The following ITGA7 variants were observed in gnomAD, a reference collection of about 807,000 sequenced individuals.
ITGA7 encodes integrin alpha-7.
ITGA7 carries 84 observed loss-of-function variants against 131.6 expected under a neutral mutation model. The observed-to-expected ratio is 0.64, with a 90% CI of 0.54 to 0.77. ITGA7 has a LOEUF of 0.77. Among genes scored for constraint, ITGA7 ranks in the 30% least tolerant of loss-of-function variants. The probability of loss-of-function intolerance (pLI) is 0.00; values close to 1 mark genes in which losing one functional copy is unlikely to be tolerated. For synonymous variants in ITGA7, 548 were observed against 600.7 expected, an observed-to-expected ratio of 0.91 and a Z score of 1.28; for missense variants, 1,399 against 1,482.9, an observed-to-expected ratio of 0.94 and a Z score of 0.93.
intron 3 of ITGA7, 99 bp from the exon 4 acceptor site, chr12:55,701,253 G>T: frequency 1.3e-6 from 2 of 1,591,052 alleles, no homozygotes; most frequent in Non-Finnish European, 8.6e-7. Context: ...ACTGATACAT[G>T]TGTGCTCACA....
At chr12:55,713,971 C>T (rs1876313518), upstream of ITGA7, among the ~76,000 whole-genome samples, 1 of 152,180 alleles carries the variant, frequency 6.6e-6, no homozygotes, top group Admixed American at 6.5e-5. Flanking sequence ...TCAACTATGC[C>T]AATGAATCAC....
intron 10 of ITGA7, 86 bp from the exon 11 acceptor site, chr12:55,697,363 A>G (rs1439350950): frequency 1.9e-6 from 3 of 1,580,540 alleles, no homozygotes; most frequent in Middle Eastern, 3.4e-4. Context: ...ATCCTGTCAC[A>G]GCCCCAGCCC....
At chr12:55,686,902 A>C (rs887297308) in intron 24 of ITGA7, among the ~76,000 whole-genome samples, 5 of 152,120 alleles carry the variant, frequency 3.3e-5, no homozygotes, top group Non-Finnish European at 7.4e-5. Context: ...ATTCTAGTTA[A>C]GTCAGATCAC....
At chr12:55,701,459 G>A (rs1334570682) in intron 3 of ITGA7, 2 of 1,544,748 alleles carry the variant, frequency 1.3e-6, no homozygotes, top group Non-Finnish European at 1.8e-6. Flanking sequence ...CACATAGGAT[G>A]TGTGTCTCCC....
At chr12:55,686,841 G>A (rs772628313) in intron 24 of ITGA7, among the ~76,000 whole-genome samples, 3 of 152,200 alleles carry the variant, frequency 2.0e-5, no homozygotes, top group Non-Finnish European at 4.4e-5. Flanking sequence ...GCCGTTCTCC[G>A]TGCTTGTTGG....
At chr12:55,716,351 A>T, upstream of ITGA7, 2 of 1,467,634 alleles carry the variant, frequency 1.4e-6, no homozygotes, top group Non-Finnish European at 9.0e-7. Context: ...GCTTTTTTTG[A>T]AACTCCTTTC....
chr12:55,703,245 G>C (rs1216679044), intron 1 of ITGA7, 67 bp from the exon 2 acceptor site: 2 of 1,557,016 alleles, frequency 1.3e-6, no homozygotes, highest in Admixed American at 1.8e-5. Context: ...AATCTCATTA[G>C]AGCTGCCCAG....
At position 55,696,894 on chromosome 12, in the gene ITGA7, T is replaced by A; in HGVS notation, c.1737+5A>T. On this transcript the variant is annotated splice_donor_5th_base_variant and intron_variant, in intron 12 of 24. Transcript: ENST00000257879. ...ACCCTCAGAAGCCAAGGGGTCAGTG[T>A]CCACCTGGAGCTGGAACATGGCGTC... The A allele has an allele frequency of 1.2e-6, 2 of 1,614,120 alleles. No individual in the cohort carries two copies. The highest frequency in any genetic ancestry group is 1.7e-6 in the Non-Finnish European group (2 of 1,179,992).
upstream of ITGA7, among the ~76,000 whole-genome samples, chr12:55,710,676 T>A (rs190555723): frequency 5.3e-5 from 8 of 151,916 alleles, no homozygotes; most frequent in East Asian, 1.6e-3. Context: ...GGCGGGAGTG[T>A]CACTTGAGCC....
upstream of ITGA7, among the ~76,000 whole-genome samples, chr12:55,709,133 C>G (rs1280133622): frequency 6.6e-6 from 1 of 152,098 alleles, no homozygotes; most frequent in Non-Finnish European, 1.5e-5. Flanking sequence ...TTGTCTCATC[C>G]CAAATTCTAT....
rs1870661012 is a variant in ITGA7 at position 55,688,207 on chromosome 12, T to C, written c.3052A>G (p.Thr1018Ala). 1 of 1,614,072 alleles carries C rather than the reference T, an allele frequency of 6.2e-7. No homozygotes were observed. The highest frequency in any genetic ancestry group is 1.1e-5 in the South Asian group (1 of 91,084). Residue 1018 changes from threonine to alanine, a missense_variant, in exon 23 of 25, where the codon ACA becomes GCA. Physicochemically the swap from Thr to Ala is moderately conservative, Grantham distance 58. Coordinates refer to ENST00000257879, the MANE Select transcript of ITGA7 (RefSeq NM_002206.3). ...IKNLMLRDAS[T>A]VIPVMVYLDP... ...CCCCCAACCCTGCAGCTCACCACTG[T>C]GGAGGCATCTCGGAGCATCAAGTTC...
upstream of ITGA7, chr12:55,712,242 T>C: frequency 1.3e-6 from 2 of 1,551,490 alleles, no homozygotes; most frequent in South Asian, 2.4e-5. Flanking sequence ...TGAGAAGGAC[T>C]GGGAGGTCAC....
chr12:55,695,086 G>A, intron 14 of ITGA7, 116 bp from the exon 15 acceptor site: 1 of 1,039,660 alleles, frequency 9.6e-7, no homozygotes, highest in South Asian at 1.4e-5. Context: ...TCCCACCCCA[G>A]GTCCCCATCA....
rs770758451 is a variant in ITGA7, at chr12:55,692,910, C to T, written c.2778G>A (p.Glu926=). The change falls in exon 21 of 25, where the codon GAG becomes GAA. Residue 926 remains glutamate, a synonymous_variant. Coordinates refer to ENST00000257879, the MANE Select transcript of ITGA7 (RefSeq NM_002206.3). ...ACCAGGACATGCTGGGCTCCTGCCG[C>T]TCACCAGGCTCCTGCTGCTCAGGTG... ...LEPPEQQEPG[E]RQEPSMSWWP... is the part of the protein sequence containing the mutation. 4 of 1,614,172 alleles carry T rather than the reference C, an allele frequency of 2.5e-6. No homozygotes were observed. Among genetic ancestry groups the T allele is most frequent in the Non-Finnish European group, 3.4e-6 (4 of 1,180,028 alleles).
rs1872771953 is a variant in ITGA7, at chr12:55,697,067, G to A, written c.1569C>T (p.Ala523=). 2 of 1,613,490 alleles carry A rather than the reference G, an allele frequency of 1.2e-6. No individual in the cohort carries two copies. The highest frequency in any genetic ancestry group is 2.2e-5 in the South Asian group (2 of 90,966). Residue 523 remains alanine (A), a splice_region_variant and synonymous_variant, in exon 12 of 25, where the codon GCC becomes GCT. Coordinates refer to ENST00000257879, the MANE Select transcript of ITGA7 (RefSeq NM_002206.3). The stretch of plus-strand genomic sequence containing the variant: ...TGTCCGCATCTAACACATAGTCCAG[G>A]GCTGTGGCATGTTGGGAAAGGAGGA... The part of the protein sequence containing the change: ...AVPSSYSPTV[A]LDYVLDADTD...
chr12:55,700,408 C>G lies in ITGA7; in HGVS notation c.671-419G>C, dbSNP rs1430355102. 1.9e-6 allele frequency: 3 copies of G among 1,597,534 alleles called. No individual in the cohort carries two copies. The African/African-American group carries it at 4.0e-5, about 22-fold the overall frequency. On this transcript the variant is annotated intron_variant, in intron 4 of 24. Coordinates refer to ENST00000257879, the MANE Select transcript of ITGA7 (RefSeq NM_002206.3). ...CCTGGCCGTGCCTGCAAGGACAGAC[C>G]TGTTAGTGCCCAGGGCAGGGCGCAA...
chr12:55,713,693 C>G (rs1046824266), upstream of ITGA7, among the ~76,000 whole-genome samples: 1 of 152,224 alleles, frequency 6.6e-6, no homozygotes, highest in East Asian at 1.9e-4. Context: ...CACATACACA[C>G]AGTATCTAAC....
At chr12:55,691,138 TAAAAAATA>T (rs1263612126) in intron 21 of ITGA7, among the ~76,000 whole-genome samples, 3 of 150,886 alleles carry the variant, frequency 2.0e-5, no homozygotes, top group Non-Finnish European at 3.0e-5. Flanking sequence ...AATTAAAAAA[TAAAAAATA>T]AAAAAATAAA....
chr12:55,696,902 G>A lies in ITGA7; in HGVS notation c.1734C>T (p.Leu578=), dbSNP rs1434291662. 4.3e-6 allele frequency: 7 copies of A among 1,614,144 alleles called. No homozygotes were observed. Among genetic ancestry groups the A allele is most frequent in the Non-Finnish European group, 5.1e-6 (6 of 1,179,978 alleles). Residue 578 remains leucine (L), a synonymous_variant, in exon 12 of 25, where the codon CTC becomes CTT. Coordinates refer to ENST00000257879, the MANE Select transcript of ITGA7 (RefSeq NM_002206.3). Reference sequence around the variant, plus strand: ...AAGCCAAGGGGTCAGTGTCCACCTGGAGCTGGAACATGGCGTCTCCACAGA... The same window carrying A: ...AAGCCAAGGGGTCAGTGTCCACCTGAAGCTGGAACATGGCGTCTCCACAGA... The part of the protein sequence containing the change: ...DRVCGDAMFQ[L]QENVKDKLRA...
Sources: gnomAD v4.1 joint callset for allele counts (sites outside exome capture counted in the v4.1 genomes callset) on GRCh38, gnomAD v4.1.1 for gene constraint, MANE v1.5 for transcripts, NCBI Gene and HGNC (gene_info 2026-07-23, HGNC 2026-07-21) for gene names.